Variants in KLF15 observed in about 807,000 individuals in gnomAD.
The protein encoded by KLF15 is KLF transcription factor 15.
KLF15 carries 4 observed loss-of-function variants against 24.6 expected under a neutral mutation model. The ratio of observed to expected loss-of-function variants is 0.16; its 90% CI spans 0.08 to 0.37. The LOEUF (loss-of-function observed/expected upper bound fraction) is 0.37, where lower values mean the gene tolerates loss of function less well. KLF15 is among the 10% of genes least tolerant of loss of function. KLF15 has a pLI of 1.00. For missense variants in KLF15, 496 were observed against 560.6 expected (o/e 0.88, Z 1.16); for synonymous variants, 246 against 236.3 (o/e 1.04, Z -0.37).
chr3:126,329,965 T>C, the KLF15 span, among the ~76,000 whole-genome samples: 1 of 152,146 alleles, frequency 6.6e-6, no homozygotes, highest in African/African-American at 2.4e-5. Flanking sequence ...CCCTCAGTGA[T>C]GGCCCCTCAT....
downstream of KLF15, among the ~76,000 whole-genome samples, chr3:126,338,224 C>A (rs766496395): frequency 7.9e-5 from 12 of 152,158 alleles, no homozygotes; most frequent in Non-Finnish European, 1.8e-4. Context: ...TGCCAACCAG[C>A]CCAAGGTGGG....
chr3:126,317,500 G>A, the KLF15 span, among the ~76,000 whole-genome samples: 1 of 152,178 alleles, frequency 6.6e-6, no homozygotes, highest in Non-Finnish European at 1.5e-5. Flanking sequence ...AGGCAAAATG[G>A]CAGAGTTGAA....
chr3:126,348,444 G>T (rs1185116344), intron 2 of KLF15, among the ~76,000 whole-genome samples: 1 of 152,132 alleles, frequency 6.6e-6, no homozygotes, highest in African/African-American at 2.4e-5. Flanking sequence ...TGGCGACTCT[G>T]ATACCAGCTA....
intron 2 of KLF15, among the ~76,000 whole-genome samples, chr3:126,345,866 G>T (rs2082531884): frequency 6.6e-6 from 1 of 152,106 alleles, no homozygotes; most frequent in Admixed American, 6.5e-5. Context: ...CCAGGCACAG[G>T]GCAGTGCTTT....
chr3:126,329,444 C>A, the KLF15 span, among the ~76,000 whole-genome samples: 1 of 152,116 alleles, frequency 6.6e-6, no homozygotes, highest in Admixed American at 6.5e-5. Context: ...ATGATCCCAT[C>A]TCTGCACTCC....
At chr3:126,301,929 C>A in the KLF15 span, among the ~76,000 whole-genome samples, 51,753 of 149,824 alleles carry the variant, frequency 0.35, 9,620 homozygotes, top group Non-Finnish European at 0.43. Context: ...TTTATTTAAA[C>A]GTAATTTGCT....
the KLF15 span, among the ~76,000 whole-genome samples, chr3:126,310,404 T>C: frequency 5.3e-5 from 8 of 152,158 alleles, no homozygotes; most frequent in Non-Finnish European, 1.2e-4. Context: ...GACCCCAGCA[T>C]TGGATAGCAC....
chr3:126,351,489 G>A (rs1157659262), intron 2 of KLF15, among the ~76,000 whole-genome samples: 2 of 152,226 alleles, frequency 1.3e-5, no homozygotes, highest in Non-Finnish European at 2.9e-5. Context: ...GGGGCTGTGG[G>A]CCCAAAGGGA....
At chr3:126,333,441 C>A in the KLF15 span, among the ~76,000 whole-genome samples, 16 of 150,032 alleles carry the variant, frequency 1.1e-4, no homozygotes, top group Admixed American at 9.3e-4. Context: ...TGGAAAGGAA[C>A]AACCAGTACC....
chr3:126,292,014 G>A, the KLF15 span, among the ~76,000 whole-genome samples: 2 of 152,284 alleles, frequency 1.3e-5, no homozygotes, highest in Admixed American at 6.5e-5. Context: ...CACACCCTAA[G>A]TGTCCACGGA....
the KLF15 span, among the ~76,000 whole-genome samples, chr3:126,332,583 C>T: frequency 2.6e-5 from 2 of 77,210 alleles, no homozygotes; most frequent in Admixed American, 1.3e-4. Context: ...ATGACTTTGA[C>T]GAGCTGAGAG....
chr3:126,351,736 T>G, intron 2 of KLF15, 105 bp downstream of exon 2: 8 of 430,556 alleles, frequency 1.9e-5, no homozygotes, highest in Non-Finnish European at 3.5e-5. Flanking sequence ...CTCCCCTCCC[T>G]CATCTACCTT....
chr3:126,294,900 C>T, the KLF15 span, among the ~76,000 whole-genome samples: 1 of 146,586 alleles, frequency 6.8e-6, no homozygotes, highest in African/African-American at 2.5e-5. Flanking sequence ...CACACACACA[C>T]ACACAGATAC....
the KLF15 span, among the ~76,000 whole-genome samples, chr3:126,311,329 C>T: frequency 6.6e-6 from 1 of 152,218 alleles, no homozygotes; most frequent in Non-Finnish European, 1.5e-5. Flanking sequence ...AAACCAAGCT[C>T]CTACTGTCCT....
chr3:126,323,463 CATATATATGTT>C, the KLF15 span, among the ~76,000 whole-genome samples: 31 of 75,452 alleles, frequency 4.1e-4, no homozygotes, highest in African/African-American at 1.7e-3. Flanking sequence ...ATATATATAA[CATATATATGTT>C]ATATATATAT....
At chr3:126,297,892 T>C in the KLF15 span, among the ~76,000 whole-genome samples, 1 of 152,226 alleles carries the variant, frequency 6.6e-6, no homozygotes, top group African/African-American at 2.4e-5. Flanking sequence ...CAATTCTGAA[T>C]TGTACTGCTA....
At chr3:126,301,759 C>T in the KLF15 span, among the ~76,000 whole-genome samples, 1 of 151,652 alleles carries the variant, frequency 6.6e-6, no homozygotes, top group African/African-American at 2.4e-5. Context: ...GGATTACAGG[C>T]GCCCGCCACC....
At chr3:126,331,566 G>T in the KLF15 span, among the ~76,000 whole-genome samples, 1 of 152,224 alleles carries the variant, frequency 6.6e-6, no homozygotes, top group African/African-American at 2.4e-5. Flanking sequence ...TTAAGGCACA[G>T]ATGCTAGAAA....
chr3:126,352,853 C>G lies in KLF15; in HGVS notation c.70G>C (p.Asp24His). Residue 24 changes from aspartate to histidine, a missense_variant, in exon 2 of 3, where the codon GAT (aspartate) becomes CAT (histidine). Transcript: ENST00000296233. Reference protein sequence around the residue: ...SPKCPVGYLGDRLVGRRAYHM... With the variant: ...SPKCPVGYLGHRLVGRRAYHM... ...TATGCCCGCCGGCCAACCAGCCTAT[C>G]ACCCAGATACCCAACTGGGCATTTT... The G allele has an allele frequency of 6.2e-7, 1 of 1,612,286 alleles. No individual in the cohort carries two copies. The highest frequency in any genetic ancestry group is 1.1e-5 in the South Asian group (1 of 90,800).
Sources: gnomAD v4.1 joint callset for allele counts (sites outside exome capture counted in the v4.1 genomes callset) on GRCh38, gnomAD v4.1.1 for gene constraint, MANE v1.5 for transcripts, NCBI Gene and HGNC (gene_info 2026-07-23, HGNC 2026-07-21) for gene names.